SNX18: variants seen among roughly 807,000 people sequenced by gnomAD.
The protein encoded by SNX18 is sorting nexin-18.
In SNX18, 35 loss-of-function variants were observed where a neutral mutation model predicts 48.7. The observed-to-expected ratio is 0.72, with a 90% confidence interval of 0.55 to 0.95. The LOEUF is 0.95. Ranked by LOEUF, SNX18 falls within the 40% of genes least tolerant of loss-of-function variation. The probability of loss-of-function intolerance (pLI) is 0.00; values close to 1 mark genes in which losing one functional copy is unlikely to be tolerated. For missense variants in SNX18, 824 were observed against 871.0 expected, an observed-to-expected ratio of 0.95 and a Z score of 0.68; for synonymous variants, 492 against 384.7, an observed-to-expected ratio of 1.28 and a Z score of -3.26.
chr5:54,619,579 A>G, the SNX18 span, among the ~76,000 whole-genome samples: 3 of 152,132 alleles, frequency 2.0e-5, no homozygotes, highest in African/African-American at 7.2e-5. Context: ...GGCACAATAC[A>G]CTTTGAATAC....
At chr5:54,575,128 G>A in the SNX18 span, among the ~76,000 whole-genome samples, 1 of 152,056 alleles carries the variant, frequency 6.6e-6, no homozygotes, top group African/African-American at 2.4e-5. Flanking sequence ...AGGTGTTCTG[G>A]CTTCCACTTG....
the SNX18 span, among the ~76,000 whole-genome samples, chr5:54,629,320 T>C: frequency 6.6e-6 from 1 of 152,192 alleles, no homozygotes; most frequent in Non-Finnish European, 1.5e-5. Context: ...ACCATTTACA[T>C]ATGTTAGTGA....
At chr5:54,527,464 C>T (rs1441273110) in intron 1 of SNX18, among the ~76,000 whole-genome samples, 1 of 152,088 alleles carries the variant, frequency 6.6e-6, no homozygotes, top group East Asian at 1.9e-4. Context: ...GGGGAGTCAT[C>T]AAGGGTGACT....
the SNX18 span, among the ~76,000 whole-genome samples, chr5:54,585,756 C>T: frequency 6.6e-6 from 1 of 152,222 alleles, no homozygotes; most frequent in East Asian, 1.9e-4. Context: ...GTAATCCCAG[C>T]ACTTTGGGAG....
chr5:54,582,612 A>G, the SNX18 span, among the ~76,000 whole-genome samples: 1 of 151,892 alleles, frequency 6.6e-6, no homozygotes. Context: ...AAAAAAAACC[A>G]AAAAACAAAA....
At position 54,519,446 on chromosome 5, in the gene SNX18, T is replaced by A. The variant is rs2089098065; in HGVS notation, c.1494T>A (p.Asp498Glu). The A allele has an allele frequency of 6.2e-7, 1 of 1,614,004 alleles. No individual in the cohort carries two copies. Among genetic ancestry groups the A allele is most frequent in the South Asian group, 1.1e-5 (1 of 91,090 alleles). ...GLNQAIAFTG[D>E]AYDAIGELFA... Reference sequence around the variant, plus strand: ...ACCAGGCTATCGCCTTCACCGGAGATGCCTATGACGCCATTGGCGAGCTCT... The same window carrying A: ...ACCAGGCTATCGCCTTCACCGGAGAAGCCTATGACGCCATTGGCGAGCTCT... Residue 498 changes from aspartate (D) to glutamate (E), a missense_variant, in exon 1 of 2, where the codon GAT becomes GAA. Physicochemically the swap from Asp to Glu is conservative, Grantham distance 45. This residue lies in a region of SNX18 where 443 missense variants were observed against 503.6 expected (regional missense o/e 0.88). Coordinates refer to ENST00000381410, the MANE Select transcript of SNX18 (RefSeq NM_001102575.2).
At position 54,545,679 on chromosome 5, in the gene SNX18, A is replaced by G. The variant is rs541406791; in HGVS notation, c.*2247A>G. 1.5e-3 allele frequency: 229 copies of G among 152,194 alleles called. 2 individuals carry two copies. Among genetic ancestry groups the G allele is most frequent in the African/African-American group, 5.2e-3 (217 of 41,516 alleles). 9.4% of individuals were successfully genotyped at this position (152,194 alleles called of 1,614,324 possible). A position where few individuals can be genotyped will look rare whatever the true frequency, so the allele number is the denominator to read the frequency against. On this transcript the variant is annotated 3_prime_UTR_variant, in exon 2 of 2. Transcript: ENST00000381410. ...ATTTACATTAATTCTATGGGGGAGGACACTAGAATTATTAGTGTTCATTTT... is the reference window on the plus strand; with the variant it reads ...ATTTACATTAATTCTATGGGGGAGGGCACTAGAATTATTAGTGTTCATTTT...
chr5:54,580,546 G>A, the SNX18 span, among the ~76,000 whole-genome samples: 354 of 152,194 alleles, frequency 2.3e-3, 8 homozygotes, highest in Non-Finnish European at 1.0e-3. Flanking sequence ...GCTAAAGACT[G>A]GGAATATATT....
the SNX18 span, among the ~76,000 whole-genome samples, chr5:54,573,345 T>C: frequency 2.0e-5 from 3 of 152,140 alleles, no homozygotes; most frequent in Non-Finnish European, 4.4e-5. Context: ...CACTTCAGAC[T>C]CACCCTGAAT....
chr5:54,606,608 T>C, the SNX18 span, among the ~76,000 whole-genome samples: 2 of 152,216 alleles, frequency 1.3e-5, no homozygotes, highest in South Asian at 2.1e-4. Flanking sequence ...TCTCCCTCTC[T>C]GATCTAAGCA....
chr5:54,517,985 C>T lies in SNX18; in HGVS notation c.33C>T (p.Phe11=), dbSNP rs767797857. The change falls in exon 1 of 2, where the codon TTC becomes TTT. Residue 11 remains phenylalanine (F), a synonymous_variant. Coordinates refer to ENST00000381410, the MANE Select transcript of SNX18 (RefSeq NM_001102575.2). MALRARALYD[F]RSENPGEISL... is the part of the protein sequence containing the mutation. Reference sequence around the variant, plus strand: ...TGCGCGCCCGGGCGCTGTACGACTTCAGGTCGGAGAACCCAGGAGAGATCT... The same window carrying T: ...TGCGCGCCCGGGCGCTGTACGACTTTAGGTCGGAGAACCCAGGAGAGATCT... 3.9e-6 allele frequency: 6 copies of T among 1,538,686 alleles called. No homozygotes were observed. In the East Asian group the frequency reaches 1.6e-4, roughly 40 times the overall value.
the SNX18 span, among the ~76,000 whole-genome samples, chr5:54,615,734 A>G: frequency 4.6e-5 from 7 of 152,204 alleles, no homozygotes; most frequent in South Asian, 6.2e-4. Context: ...CTCTGGAGGA[A>G]AAAAATGTGC....
the SNX18 span, among the ~76,000 whole-genome samples, chr5:54,579,285 G>A: frequency 5.9e-5 from 9 of 151,900 alleles, no homozygotes; most frequent in Admixed American, 5.9e-4. Context: ...CAAGGCTGCA[G>A]TGAGCCAAGA....
In SNX18 at chr5:54,543,359, A is replaced by T; in HGVS notation, c.1802A>T (p.Gln601Leu). The change falls in exon 2 of 2, where the codon CAA (glutamine) becomes CTA (leucine). Residue 601 changes from glutamine to leucine, a missense_variant. Coordinates refer to ENST00000381410, the MANE Select transcript of SNX18 (RefSeq NM_001102575.2). ...DFKSQMQHFL[Q>L]QQIIFFQKVT... ...AAATCACAGATGCAGCATTTCTTAC[A>T]ACAACAAATAATATTTTTCCAAAAA... 6.2e-7 allele frequency: 1 copy of T among 1,614,200 alleles called. No homozygotes were observed. The highest frequency in any genetic ancestry group is 8.5e-7 in the Non-Finnish European group (1 of 1,180,040).
At chr5:54,627,278 G>T in the SNX18 span, among the ~76,000 whole-genome samples, 2 of 152,138 alleles carry the variant, frequency 1.3e-5, no homozygotes, top group African/African-American at 4.8e-5. Flanking sequence ...AACTGGGAAT[G>T]AAAAATATAA....
At chr5:54,572,115 A>G in the SNX18 span, among the ~76,000 whole-genome samples, 259 of 152,176 alleles carry the variant, frequency 1.7e-3, 1 homozygote, top group African/African-American at 5.9e-3. Flanking sequence ...CCTCCTTTTC[A>G]CCTAGAGGTG....
chr5:54,518,961 G>T lies in SNX18; in HGVS notation c.1009G>T (p.Glu337Ter). 1 of 1,613,676 alleles carries T rather than the reference G, an allele frequency of 6.2e-7. No individual in the cohort carries two copies. Among genetic ancestry groups the T allele is most frequent in the Non-Finnish European group, 8.5e-7 (1 of 1,180,008 alleles). Reference sequence around the variant, plus strand: ...GGTCATCTCCGTGCCCCACCTGCCCGAGAAGCAGGCCACCGGCCGCTTCGA... The same window carrying T: ...GGTCATCTCCGTGCCCCACCTGCCCTAGAAGCAGGCCACCGGCCGCTTCGA... The part of the protein sequence containing the change: ...FPVISVPHLP[E>*]KQATGRFEED... Residue 337 changes from glutamate to a stop codon, truncating the protein, a stop_gained, in exon 1 of 2, where the codon GAG becomes TAG. Coordinates refer to ENST00000381410, the MANE Select transcript of SNX18 (RefSeq NM_001102575.2). LOFTEE classifies it high-confidence loss of function.
the SNX18 span, among the ~76,000 whole-genome samples, chr5:54,589,162 G>T: frequency 7.9e-5 from 12 of 151,958 alleles, no homozygotes; most frequent in Non-Finnish European, 1.2e-4. Context: ...CCTGCCCTGC[G>T]GTCACCTTCT....
At chr5:54,550,726 G>A (rs13358922), downstream of SNX18, among the ~76,000 whole-genome samples, 17,960 of 151,288 alleles carry the variant, frequency 0.12, 1,152 homozygotes, top group South Asian at 0.14. Flanking sequence ...CTGGGATTAC[G>A]GGTGCCCGCC....
Sources: gnomAD v4.1 joint callset for allele counts (sites outside exome capture counted in the v4.1 genomes callset) on GRCh38, gnomAD v4.1.1 for gene constraint, gnomAD v4.1.1 regional missense constraint, MANE v1.5 for transcripts, NCBI Gene and HGNC (gene_info 2026-07-23, HGNC 2026-07-21) for gene names.